Variants in EFR3A observed in about 807,000 individuals in gnomAD.
EFR3A encodes the protein EFR3 homolog A.
A neutral mutation model predicts 104.4 loss-of-function variants in EFR3A; 76 were observed. That is an observed-to-expected ratio of 0.73 (90% confidence interval 0.60 to 0.88). The LOEUF (loss-of-function observed/expected upper bound fraction) is 0.88, where lower values mean the gene tolerates loss of function less well. EFR3A is among the 40% of genes least tolerant of loss of function. EFR3A has a pLI of 0.00. For synonymous variants in EFR3A, 330 were observed against 330.0 expected (o/e 1.00, Z 0.00); for missense variants, 985 against 1,012.5 (o/e 0.97, Z 0.37).
Position 131,976,021 on chromosome 8 carries a change from T to C in EFR3A, c.1160-6T>C. 1.3e-6 allele frequency: 2 copies of C among 1,552,780 alleles called. No homozygotes were observed. Among genetic ancestry groups the C allele is most frequent in the East Asian group, 2.3e-5 (1 of 44,222 alleles). On this transcript the variant is annotated splice_region_variant and splice_polypyrimidine_tract_variant and intron_variant, in intron 10 of 22. Transcript: ENST00000254624. ...GTTTCTAAAATTTGTCTTAATACTT[T>C]CATAGGATTTTTTGGAAGTAACCTA...
intron 1 of EFR3A, among the ~76,000 whole-genome samples, chr8:131,906,099 T>C (rs752323314): frequency 1.4e-4 from 22 of 152,218 alleles, no homozygotes; most frequent in Non-Finnish European, 2.8e-4. Context: ...TGAATAAAAA[T>C]GTGCTGTGGA....
intron 11 of EFR3A, 114 bp downstream of exon 11, chr8:131,976,255 C>G: frequency 1.4e-6 from 1 of 699,418 alleles, no homozygotes; most frequent in East Asian, 2.8e-5. Flanking sequence ...AATAGCATTC[C>G]TATGGAAAGC....
At chr8:131,958,836 C>T (rs1199074730) in intron 7 of EFR3A, among the ~76,000 whole-genome samples, 1 of 152,126 alleles carries the variant, frequency 6.6e-6, no homozygotes, top group African/African-American at 2.4e-5. Context: ...TACCACTTAT[C>T]AAGTGCTGGC....
At chr8:131,952,163 T>C (rs1818736627) in intron 5 of EFR3A, among the ~76,000 whole-genome samples, 1 of 152,134 alleles carries the variant, frequency 6.6e-6, no homozygotes, top group African/African-American at 2.4e-5. Context: ...CCACCATCAT[T>C]GTCATCATCC....
intron 13 of EFR3A, 96 bp downstream of exon 13, chr8:131,979,115 C>A: frequency 8.0e-7 from 1 of 1,254,714 alleles, no homozygotes; most frequent in Non-Finnish European, 1.1e-6. Flanking sequence ...CTAGCATGTT[C>A]AGGTTTTATT....
In EFR3A at chr8:131,953,907, A is replaced by G. The variant is rs756923529; in HGVS notation, c.578A>G (p.His193Arg). 1.3e-6 allele frequency: 2 copies of G among 1,575,966 alleles called. No individual in the cohort carries two copies. Among genetic ancestry groups the G allele is most frequent in the East Asian group, 4.6e-5 (2 of 43,456 alleles). Residue 193 changes from histidine (H) to arginine (R), a missense_variant, in exon 6 of 23, where the codon CAT becomes CGT. Physicochemically the swap from His to Arg is conservative, Grantham distance 29. Coordinates refer to ENST00000254624, the MANE Select transcript of EFR3A (RefSeq NM_015137.6). ...ELRATIWEPQ[H>R]MDKIVPSLLF... ...CGGGCCACCATTTGGGAACCTCAGCATATGGATAAGATTGTTCCATCCCTC... is the reference window on the plus strand; with the variant it reads ...CGGGCCACCATTTGGGAACCTCAGCGTATGGATAAGATTGTTCCATCCCTC...
At chr8:131,910,333 G>A (rs1816456716) in intron 1 of EFR3A, among the ~76,000 whole-genome samples, 1 of 152,184 alleles carries the variant, frequency 6.6e-6, no homozygotes. Context: ...GTGCAGTGGT[G>A]TGATCTCGGC....
intron 10 of EFR3A, among the ~76,000 whole-genome samples, chr8:131,971,990 T>C (rs142121696): frequency 1.3e-5 from 2 of 152,308 alleles, no homozygotes; most frequent in African/African-American, 4.8e-5. Flanking sequence ...GTCTTTACCA[T>C]GATGGCTGCA....
intron 22 of EFR3A, among the ~76,000 whole-genome samples, chr8:132,009,555 G>C (rs754143623): frequency 6.6e-6 from 1 of 152,002 alleles, no homozygotes; most frequent in African/African-American, 2.4e-5. Flanking sequence ...GAAAATTCAA[G>C]TATAGAAGGT....
At position 131,971,545 on chromosome 8, in the gene EFR3A, G is replaced by A. The variant is rs528296144; in HGVS notation, c.1159+902G>A. Among the ~76,000 whole-genome samples, 87 of 152,120 alleles carry A rather than the reference G, an allele frequency of 5.7e-4. No individual in the cohort carries two copies. In the Middle Eastern group the frequency reaches 0.01, roughly 18 times the overall value. ...CTACTAAGAATACAAAAAATTAGCC[G>A]GGCGAGGTGGCGGGCACCTGTAGTC... On this transcript the variant is annotated intron_variant, in intron 10 of 22. Coordinates refer to ENST00000254624, the MANE Select transcript of EFR3A (RefSeq NM_015137.6).
chr8:132,002,392 C>T (rs1414099900), intron 20 of EFR3A, among the ~76,000 whole-genome samples: 1 of 152,100 alleles, frequency 6.6e-6, no homozygotes, highest in Non-Finnish European at 1.5e-5. Flanking sequence ...GTAGTTTTAA[C>T]CCTTAGATTT....
intron 10 of EFR3A, among the ~76,000 whole-genome samples, chr8:131,972,953 T>C (rs1385929225): frequency 3.3e-5 from 5 of 151,442 alleles, no homozygotes; most frequent in African/African-American, 9.7e-5. Context: ...ATTGGACATA[T>C]GCGTACACCA....
chr8:131,938,989 A>G (rs552712705), intron 1 of EFR3A, among the ~76,000 whole-genome samples: 2 of 152,258 alleles, frequency 1.3e-5, no homozygotes, highest in East Asian at 1.9e-4. Flanking sequence ...GTTGTGAACC[A>G]TATGTAAAAT....
intron 1 of EFR3A, among the ~76,000 whole-genome samples, chr8:131,911,220 C>T (rs558300992): frequency 1.3e-5 from 2 of 152,272 alleles, no homozygotes; most frequent in South Asian, 2.1e-4. Flanking sequence ...TATCATTTGC[C>T]AAATATATGA....
intron 14 of EFR3A, among the ~76,000 whole-genome samples, chr8:131,982,619 T>G (rs1820672228): frequency 6.6e-6 from 1 of 152,198 alleles, no homozygotes; most frequent in African/African-American, 2.4e-5. Flanking sequence ...AATTTTTTAT[T>G]TCATCTAATA....
chr8:131,960,683 T>G (rs1819266341), intron 8 of EFR3A, among the ~76,000 whole-genome samples: 1 of 152,202 alleles, frequency 6.6e-6, no homozygotes, highest in Non-Finnish European at 1.5e-5. Flanking sequence ...AACAAACTGG[T>G]CTTGACCAGG....
chr8:131,923,777 G>A (rs138658812), intron 1 of EFR3A, among the ~76,000 whole-genome samples: 15 of 152,154 alleles, frequency 9.9e-5, no homozygotes, highest in Non-Finnish European at 1.9e-4. Flanking sequence ...TTGCCAGTGC[G>A]CACTCAGAAG....
intron 6 of EFR3A, among the ~76,000 whole-genome samples, chr8:131,954,258 A>C (rs1818862648): frequency 6.6e-6 from 1 of 152,082 alleles, no homozygotes; most frequent in African/African-American, 2.4e-5. Context: ...GTTTTAATGG[A>C]TACTACTTAA....
intron 1 of EFR3A, among the ~76,000 whole-genome samples, chr8:131,934,624 AATAC>A (rs780470463): frequency 3.9e-5 from 6 of 152,112 alleles, no homozygotes; most frequent in Non-Finnish European, 7.4e-5. Context: ...CTTTATAGAT[AATAC>A]ATATGTGTAT....
Sources: gnomAD v4.1 joint callset for allele counts (sites outside exome capture counted in the v4.1 genomes callset) on GRCh38, gnomAD v4.1.1 for gene constraint, MANE v1.5 for transcripts, NCBI Gene and HGNC (gene_info 2026-07-23, HGNC 2026-07-21) for gene names.